Variants in LRRC69 observed in about 807,000 individuals in gnomAD.
LRRC69 encodes the protein leucine-rich repeat-containing protein 69.
LRRC69 carries 42 observed loss-of-function variants against 37.8 expected under a neutral mutation model. The observed-to-expected ratio is 1.11, with a 90% CI of 0.87 to 1.44. The LOEUF (loss-of-function observed/expected upper bound fraction) is 1.44, where lower values mean the gene tolerates loss of function less well. Ranked by LOEUF, LRRC69 falls within the 40% of genes most tolerant of loss-of-function variation. The pLI is 0.00. For synonymous variants in LRRC69, 141 were observed against 143.1 expected, an observed-to-expected ratio of 0.99 and a Z score of 0.11; for missense variants, 357 against 401.9, an observed-to-expected ratio of 0.89 and a Z score of 0.96.
intron 5 of LRRC69, among the ~76,000 whole-genome samples, chr8:91,153,430 GTACT>G (rs1461181126): frequency 6.6e-6 from 1 of 151,540 alleles, no homozygotes; most frequent in Non-Finnish European, 1.5e-5. Context: ...GTGCCACGTG[GTACT>G]TACTCTAAAA....
chr8:91,148,658 A>G (rs1369593908), intron 5 of LRRC69, among the ~76,000 whole-genome samples: 1 of 152,034 alleles, frequency 6.6e-6, no homozygotes, highest in Non-Finnish European at 1.5e-5. Context: ...GAATCACCAC[A>G]CTGACTTCCA....
At chr8:91,121,984 T>C (rs1813631312) in intron 1 of LRRC69, among the ~76,000 whole-genome samples, 1 of 152,100 alleles carries the variant, frequency 6.6e-6, no homozygotes, top group Non-Finnish European at 1.5e-5. Flanking sequence ...CCCTTTGACA[T>C]ATGATGAAAT....
At chr8:91,165,837 T>C (rs537613117) in intron 5 of LRRC69, among the ~76,000 whole-genome samples, 1 of 151,942 alleles carries the variant, frequency 6.6e-6, no homozygotes, top group Non-Finnish European at 1.5e-5. Flanking sequence ...TTCCTGCAGA[T>C]AACAGCTATT....
intron 5 of LRRC69, among the ~76,000 whole-genome samples, chr8:91,142,266 A>G (rs2130530914): frequency 6.6e-6 from 1 of 152,154 alleles, no homozygotes; most frequent in Middle Eastern, 3.4e-3. Context: ...CATATATAAA[A>G]TATTGCAGAC....
At chr8:91,127,550 A>G (rs1164654068) in intron 3 of LRRC69, among the ~76,000 whole-genome samples, 1 of 149,552 alleles carries the variant, frequency 6.7e-6, no homozygotes, top group African/African-American at 2.5e-5. Flanking sequence ...AGGATTTAAA[A>G]CTGCAATGTC....
At chr8:91,210,429 C>T (rs1438424258) in intron 7 of LRRC69, among the ~76,000 whole-genome samples, 1 of 152,040 alleles carries the variant, frequency 6.6e-6, no homozygotes, top group African/African-American at 2.4e-5. Context: ...ATATTTGAAA[C>T]ACTGTCATGT....
intron 3 of LRRC69, among the ~76,000 whole-genome samples, chr8:91,127,805 A>G (rs979545092): frequency 6.6e-6 from 1 of 151,876 alleles, no homozygotes. Flanking sequence ...TTGAGCAGAA[A>G]CAGATGTGTC....
intron 7 of LRRC69, among the ~76,000 whole-genome samples, chr8:91,213,179 G>C (rs1385126604): frequency 6.6e-6 from 1 of 152,152 alleles, no homozygotes; most frequent in Non-Finnish European, 1.5e-5. Flanking sequence ...CCACTGTGTG[G>C]GGAAGGGAAT....
At chr8:91,151,588 G>A (rs1193588116) in intron 5 of LRRC69, among the ~76,000 whole-genome samples, 1 of 151,556 alleles carries the variant, frequency 6.6e-6, no homozygotes, top group Non-Finnish European at 1.5e-5. Context: ...ATTGTGAATA[G>A]TGCTGCAGTA....
At chr8:91,161,021 C>T (rs1808934313) in intron 5 of LRRC69, among the ~76,000 whole-genome samples, 1 of 151,156 alleles carries the variant, frequency 6.6e-6, no homozygotes, top group African/African-American at 2.4e-5. Flanking sequence ...AGAATTTTAT[C>T]AAATCCGTTT....
At chr8:91,206,819 T>C in intron 7 of LRRC69, 1 of 1,288,962 alleles carries the variant, frequency 7.8e-7, no homozygotes, top group Non-Finnish European at 1.0e-6. Flanking sequence ...ATGACACCAG[T>C]AAGAAATCCA....
Position 91,133,310 on chromosome 8 carries a change from G to A in LRRC69, c.579+5G>A. The stretch of plus-strand genomic sequence containing the variant: ...AACATTGGAGTTTTGCCGGAGGTAA[G>A]CAAAACATGGAACCACAGTAGTTTG... On this transcript the variant is annotated splice_donor_5th_base_variant and intron_variant, in intron 4 of 7. Transcript: ENST00000448384. 6.7e-7 allele frequency: 1 copy of A among 1,497,838 alleles called. No individual in the cohort carries two copies. Among genetic ancestry groups the A allele is most frequent in the Non-Finnish European group, 8.8e-7 (1 of 1,130,334 alleles). 92.8% of individuals were successfully genotyped at this position (1,497,838 alleles called of 1,614,324 possible).
intron 5 of LRRC69, among the ~76,000 whole-genome samples, chr8:91,189,040 T>G (rs1809449257): frequency 6.6e-6 from 1 of 152,184 alleles, no homozygotes. Flanking sequence ...AGTTATAATG[T>G]GAACATTTTG....
At chr8:91,206,625 T>C in intron 7 of LRRC69, 1 of 1,239,404 alleles carries the variant, frequency 8.1e-7, no homozygotes, top group Non-Finnish European at 1.1e-6. Context: ...TGTTTAATTG[T>C]GCTCTGACAG....
chr8:91,206,925 C>A, intron 7 of LRRC69: 2 of 1,045,316 alleles, frequency 1.9e-6, no homozygotes, highest in South Asian at 1.6e-5. Flanking sequence ...TGATCCTTAA[C>A]CAGAGAGTCT....
intron 5 of LRRC69, among the ~76,000 whole-genome samples, chr8:91,146,288 C>G (rs1042216427): frequency 2.0e-5 from 3 of 151,698 alleles, no homozygotes; most frequent in Admixed American, 2.0e-4. Flanking sequence ...CCTCAAATTT[C>G]AGCAACATTC....
chr8:91,151,618 C>T (rs1052797740), intron 5 of LRRC69, among the ~76,000 whole-genome samples: 1 of 151,588 alleles, frequency 6.6e-6, no homozygotes, highest in Non-Finnish European at 1.5e-5. Flanking sequence ...GTACATGTAT[C>T]TTTATAATAG....
In LRRC69 at chr8:91,146,301, C is replaced by A. The variant is rs75904436; in HGVS notation, c.651+10562C>A. On this transcript the variant is annotated intron_variant, in intron 5 of 7. Transcript: ENST00000448384. ...ATCCTCAAATTTCAGCAACATTCACCTCTCATCTCTCTTGTTGAGAGGCCA... is the reference window on the plus strand; with the variant it reads ...ATCCTCAAATTTCAGCAACATTCACATCTCATCTCTCTTGTTGAGAGGCCA... Among the ~76,000 whole-genome samples, 877 of 151,894 alleles carry A rather than the reference C, an allele frequency of 5.8e-3. 8 individuals are homozygous for A. Among genetic ancestry groups the A allele is most frequent in the African/African-American group, 0.019 (791 of 41,548 alleles).
At chr8:91,123,678 G>T (rs1196995805) in intron 1 of LRRC69, among the ~76,000 whole-genome samples, 1 of 151,786 alleles carries the variant, frequency 6.6e-6, no homozygotes, top group African/African-American at 2.4e-5. Context: ...GTATGCAATT[G>T]GTAATTAAAC....
Sources: gnomAD v4.1 joint callset for allele counts (sites outside exome capture counted in the v4.1 genomes callset) on GRCh38, gnomAD v4.1.1 for gene constraint, MANE v1.5 for transcripts, NCBI Gene and HGNC (gene_info 2026-07-23, HGNC 2026-07-21) for gene names.